Variants in SORCS3 observed in about 807,000 individuals in gnomAD.
SORCS3 encodes sortilin related VPS10 domain containing receptor 3, also known as VPS10 domain-containing receptor SorCS3.
A neutral mutation model predicts 146.3 loss-of-function variants in SORCS3; 57 were observed. The observed-to-expected ratio is 0.39, with a 90% confidence interval of 0.31 to 0.49. SORCS3 has a LOEUF of 0.49. Ranked by LOEUF, SORCS3 falls within the 20% of genes least tolerant of loss-of-function variation. The pLI, the probability that SORCS3 is intolerant of heterozygous loss-of-function variation, is 0.92. For synonymous variants in SORCS3, 653 were observed against 618.5 expected, an observed-to-expected ratio of 1.06 and a Z score of -0.83; for missense variants, 1,341 against 1,575.5, an observed-to-expected ratio of 0.85 and a Z score of 2.52.
chr10:105,211,394 T>C lies in SORCS3; in HGVS notation c.2375+144T>C, dbSNP rs891356749. ...ATGGCATTTGAAGGGAAGTGAGGAG[T>C]TCTTTAGCTGAGAGTATCTATTTGG... On this transcript the variant is annotated intron_variant, in intron 17 of 26. Coordinates refer to ENST00000369701, the MANE Select transcript of SORCS3 (RefSeq NM_014978.3). 4.7e-6 allele frequency: 3 copies of C among 640,416 alleles called. No homozygotes were observed. In the African/African-American group the frequency reaches 5.5e-5, roughly 12 times the overall value. 39.7% of individuals were successfully genotyped at this position (640,416 alleles called of 1,614,324 possible).
intron 11 of SORCS3, among the ~76,000 whole-genome samples, 159 bp downstream of exon 11, chr10:105,159,153 A>G (rs1475390400): frequency 6.6e-6 from 1 of 152,198 alleles, no homozygotes; most frequent in Non-Finnish European, 1.5e-5. Flanking sequence ...CTAAGAACCT[A>G]ACATGCAAAG....
chr10:104,663,006 C>T (rs546331558), intron 1 of SORCS3, among the ~76,000 whole-genome samples: 1 of 152,324 alleles, frequency 6.6e-6, no homozygotes, highest in Non-Finnish European at 1.5e-5. Flanking sequence ...TGCCTGGAGT[C>T]AGTCAGCAAC....
At chr10:105,165,154 G>T (rs2056301408) in intron 12 of SORCS3, among the ~76,000 whole-genome samples, 1 of 152,126 alleles carries the variant, frequency 6.6e-6, no homozygotes, top group South Asian at 2.1e-4. Context: ...CAGGCTCCAG[G>T]AGGTAATTGA....
intron 2 of SORCS3, among the ~76,000 whole-genome samples, chr10:104,894,352 A>G (rs915363862): frequency 6.6e-6 from 1 of 152,244 alleles, no homozygotes; most frequent in Non-Finnish European, 1.5e-5. Context: ...GATTGGAATG[A>G]GCAGTGGTGG....
intron 3 of SORCS3, among the ~76,000 whole-genome samples, chr10:104,947,838 G>T (rs1233616233): frequency 6.6e-6 from 1 of 151,990 alleles, no homozygotes; most frequent in Non-Finnish European, 1.5e-5. Context: ...GGCTGGACTG[G>T]TCTTGACCTC....
chr10:105,084,285 A>G (rs544011818), intron 5 of SORCS3, among the ~76,000 whole-genome samples: 1 of 152,242 alleles, frequency 6.6e-6, no homozygotes, highest in Admixed American at 6.5e-5. Flanking sequence ...GATAATGCTT[A>G]TAAACACCAA....
chr10:104,794,614 A>AGG (rs377450255), intron 1 of SORCS3, among the ~76,000 whole-genome samples: 1 of 88,612 alleles, frequency 1.1e-5, no homozygotes, highest in Non-Finnish European at 2.2e-5. Context: ...TGAGAGAGAG[A>AGG]GAGGGAGGGA....
intron 6 of SORCS3, among the ~76,000 whole-genome samples, chr10:105,097,041 C>A (rs1018056355): frequency 6.6e-6 from 1 of 152,102 alleles, no homozygotes; most frequent in African/African-American, 2.4e-5. Context: ...TGGTGCTGCT[C>A]TAGACTGAAG....
At chr10:105,177,198 C>A (rs1174897867) in intron 13 of SORCS3, among the ~76,000 whole-genome samples, 1 of 151,804 alleles carries the variant, frequency 6.6e-6, no homozygotes, top group African/African-American at 2.4e-5. Flanking sequence ...GAATTTTAAT[C>A]CTAAATTATG....
intron 3 of SORCS3, among the ~76,000 whole-genome samples, chr10:104,926,534 C>T (rs185222013): frequency 6.6e-6 from 1 of 152,156 alleles, no homozygotes; most frequent in East Asian, 1.9e-4. Context: ...AGAAAAGACT[C>T]CTTGCACCCC....
At chr10:104,929,424 A>G (rs558704835) in intron 3 of SORCS3, among the ~76,000 whole-genome samples, 54 of 152,322 alleles carry the variant, frequency 3.5e-4, no homozygotes, top group African/African-American at 1.2e-3. Context: ...CAGCAAATAT[A>G]TAGAAAAAGT....
At chr10:105,006,442 A>G (rs2055095869) in intron 4 of SORCS3, among the ~76,000 whole-genome samples, 1 of 152,138 alleles carries the variant, frequency 6.6e-6, no homozygotes, top group African/African-American at 2.4e-5. Flanking sequence ...TTATTGTAAC[A>G]ACCTCTTCCT....
rs183290476 is a variant in SORCS3 at position 104,689,083 on chromosome 10, G to A, written c.627+47129G>A. Among the ~76,000 whole-genome samples, 59 of 152,362 alleles carry A rather than the reference G, an allele frequency of 3.9e-4. 1 individual carries two copies. Among genetic ancestry groups the A allele is most frequent in the Admixed American group, 2.1e-3 (32 of 15,308 alleles). On this transcript the variant is annotated intron_variant, in intron 1 of 26. Coordinates refer to ENST00000369701, the MANE Select transcript of SORCS3 (RefSeq NM_014978.3). The stretch of plus-strand genomic sequence containing the variant: ...GGCTCCTGTTCTTGCCTCGGCATAT[G>A]AGGCCCTGCATGACTTGCCCTCTTT...
chr10:105,228,166 C>A (rs1182795769), intron 20 of SORCS3, among the ~76,000 whole-genome samples: 1 of 151,626 alleles, frequency 6.6e-6, no homozygotes, highest in Non-Finnish European at 1.5e-5. Flanking sequence ...GTTTTGTATA[C>A]CTTTGTCCCT....
At chr10:104,846,704 A>G (rs2018209692) in intron 2 of SORCS3, among the ~76,000 whole-genome samples, 1 of 152,220 alleles carries the variant, frequency 6.6e-6, no homozygotes, top group Admixed American at 6.5e-5. Context: ...GGTGGTGGCC[A>G]AGGTTATTTC....
intron 3 of SORCS3, among the ~76,000 whole-genome samples, chr10:104,934,321 T>C (rs1007053475): frequency 1.3e-5 from 2 of 152,216 alleles, no homozygotes; most frequent in Non-Finnish European, 2.9e-5. Flanking sequence ...ACAATAGGTC[T>C]AGGCATTAAT....
intron 6 of SORCS3, among the ~76,000 whole-genome samples, chr10:105,098,150 A>G (rs1342557519): frequency 6.6e-6 from 1 of 152,184 alleles, no homozygotes; most frequent in African/African-American, 2.4e-5. Flanking sequence ...GATTAATTCA[A>G]TAACTTTGGA....
intron 1 of SORCS3, among the ~76,000 whole-genome samples, chr10:104,725,477 G>A (rs577172787): frequency 6.6e-6 from 1 of 152,324 alleles, no homozygotes; most frequent in Admixed American, 6.5e-5. Flanking sequence ...GCTGCATGCT[G>A]GGAGTACCAC....
intron 2 of SORCS3, among the ~76,000 whole-genome samples, chr10:104,861,241 GTC>G (rs2018397819): frequency 6.6e-6 from 1 of 152,186 alleles, no homozygotes; most frequent in Admixed American, 6.5e-5. Flanking sequence ...ACCCTTGGGA[GTC>G]TCTGTACAGA....
Sources: gnomAD v4.1 joint callset for allele counts (sites outside exome capture counted in the v4.1 genomes callset) on GRCh38, gnomAD v4.1.1 for gene constraint, MANE v1.5 for transcripts, NCBI Gene and HGNC (gene_info 2026-07-23, HGNC 2026-07-21) for gene names.